Variants in TP63 observed in about 807,000 individuals in gnomAD.
The protein encoded by TP63 is tumor protein p63.
Under a neutral mutation model 82.8 loss-of-function variants are expected in TP63, and 17 were observed. The observed-to-expected ratio is 0.21, with a 90% CI of 0.14 to 0.31. The LOEUF is 0.31. TP63 is among the 10% of genes least tolerant of loss of function. TP63 has a pLI of 1.00. For missense variants in TP63, 648 were observed against 895.3 expected, an observed-to-expected ratio of 0.72 and a Z score of 3.52; for synonymous variants, 330 against 321.7, an observed-to-expected ratio of 1.03 and a Z score of -0.28.
At chr3:189,677,135 A>ACG (rs1178381613) in intron 1 of TP63, among the ~76,000 whole-genome samples, 1 of 151,602 alleles carries the variant, frequency 6.6e-6, no homozygotes, top group Non-Finnish European at 1.5e-5. Context: ...AGGTTCATCC[A>ACG]TGTTACTGGA....
rs1282548929 is a variant in TP63, at chr3:189,631,561, G to T, written c.46G>T (p.Asp16Tyr). The T allele has an allele frequency of 6.2e-7, 1 of 1,612,896 alleles. No individual in the cohort carries two copies. The highest frequency in any genetic ancestry group is 8.5e-7 in the Non-Finnish European group (1 of 1,179,150). ...GTGTGCCACCCTACAGTACTGCCCT[G>T]ACCCTTACATCCAGCGGTGAGTTTG... ...SRCATLQYCP[D>Y]PYIQRFVETP... Residue 16 changes from aspartate to tyrosine, a missense_variant, in exon 1 of 14, where the codon GAC (aspartate) becomes TAC (tyrosine). Transcript: ENST00000264731.
intron 10 of TP63, chr3:189,880,197 T>C: frequency 6.2e-7 from 1 of 1,609,816 alleles, no homozygotes; most frequent in Non-Finnish European, 8.5e-7. Context: ...CTCTATATTT[T>C]AAGTGTGTGT....
chr3:189,861,561 C>T (rs1316565160), intron 4 of TP63, among the ~76,000 whole-genome samples: 2 of 152,150 alleles, frequency 1.3e-5, no homozygotes, highest in Non-Finnish European at 1.5e-5. Flanking sequence ...CTGGTGTAAT[C>T]GTCCAGGCTG....
At chr3:189,720,756 A>C (rs1453336395) in intron 1 of TP63, among the ~76,000 whole-genome samples, 2 of 135,176 alleles carry the variant, frequency 1.5e-5, no homozygotes. Flanking sequence ...AAAAAAAAAA[A>C]AGAAGAAGAC....
At chr3:189,606,938 GACTATGACTTCTGTCATGCCAGT>G in the TP63 span, among the ~76,000 whole-genome samples, 2 of 152,172 alleles carry the variant, frequency 1.3e-5, no homozygotes, top group Non-Finnish European at 2.9e-5. Context: ...CCATGATTAT[GACTATGACTTCTGTCATGCCAGT>G]ACTTTCTCTT....
chr3:189,625,183 A>C, the TP63 span, among the ~76,000 whole-genome samples: 6 of 152,190 alleles, frequency 3.9e-5, no homozygotes, highest in Non-Finnish European at 8.8e-5. Context: ...CTTGGAAGGA[A>C]CTCTGCAAAT....
At chr3:189,820,850 A>G (rs1417911278) in intron 4 of TP63, among the ~76,000 whole-genome samples, 1 of 152,240 alleles carries the variant, frequency 6.6e-6, no homozygotes, top group Non-Finnish European at 1.5e-5. Flanking sequence ...GCTTCCAAAT[A>G]TAAGGACATA....
At chr3:189,657,266 T>C (rs1435124758) in intron 1 of TP63, among the ~76,000 whole-genome samples, 1 of 152,074 alleles carries the variant, frequency 6.6e-6, no homozygotes, top group African/African-American at 2.4e-5. Context: ...CAGTGATGCA[T>C]ACATGATATT....
chr3:189,709,545 T>C (rs1718441864), intron 1 of TP63, among the ~76,000 whole-genome samples: 2 of 152,198 alleles, frequency 1.3e-5, no homozygotes, highest in South Asian at 4.1e-4. Flanking sequence ...TTATTCTTAA[T>C]GGAAAATGCA....
rs143981666 is a variant in TP63, at chr3:189,828,851, A to G, written c.579+20325A>G. Among the ~76,000 whole-genome samples, 1,185 of 152,304 alleles carry G rather than the reference A, an allele frequency of 7.8e-3. 19 individuals are homozygous for G. Among genetic ancestry groups the G allele is most frequent in the African/African-American group, 0.027 (1,134 of 41,550 alleles). ...TTTCGTCCTTTTACTGAATGAAAAT[A>G]ATCTAATAGTAGCTTAAAGAAAACG... On this transcript the variant is annotated intron_variant, in intron 4 of 13. Coordinates refer to ENST00000264731, the MANE Select transcript of TP63 (RefSeq NM_003722.5).
intron 4 of TP63, among the ~76,000 whole-genome samples, chr3:189,842,888 G>A (rs965336823): frequency 2.6e-5 from 4 of 152,188 alleles, no homozygotes; most frequent in African/African-American, 9.7e-5. Flanking sequence ...GCTCTGTGAA[G>A]GTAACTGTGA....
intron 3 of TP63, among the ~76,000 whole-genome samples, chr3:189,786,483 G>T (rs908378279): frequency 7.5e-6 from 1 of 133,718 alleles, no homozygotes; most frequent in East Asian, 2.2e-4. Context: ...ACACACACAC[G>T]CATGCACAAA....
At chr3:189,703,844 A>C (rs1459227030) in intron 1 of TP63, among the ~76,000 whole-genome samples, 1 of 152,200 alleles carries the variant, frequency 6.6e-6, no homozygotes, top group Non-Finnish European at 1.5e-5. Flanking sequence ...AACAGAGGCC[A>C]AAACACAGTT....
chr3:189,726,159 T>G (rs1428289738), intron 1 of TP63, among the ~76,000 whole-genome samples: 4 of 152,166 alleles, frequency 2.6e-5, no homozygotes, highest in Non-Finnish European at 5.9e-5. Context: ...CATAAACACG[T>G]ATCTTGTTCC....
intron 1 of TP63, among the ~76,000 whole-genome samples, chr3:189,632,356 A>G (rs1242168501): frequency 2.0e-5 from 3 of 152,078 alleles, no homozygotes; most frequent in Non-Finnish European, 1.5e-5. Flanking sequence ...GAAAATGGTG[A>G]GGTTACAAAG....
intron 1 of TP63, among the ~76,000 whole-genome samples, chr3:189,667,558 G>A (rs774363847): frequency 6.6e-6 from 1 of 152,056 alleles, no homozygotes; most frequent in Non-Finnish European, 1.5e-5. Context: ...TTGTGTGGGA[G>A]CTCTTGTAGG....
chr3:189,623,995 G>A, the TP63 span, among the ~76,000 whole-genome samples: 97 of 152,202 alleles, frequency 6.4e-4, no homozygotes, highest in African/African-American at 2.2e-3. Flanking sequence ...AATTCATGGC[G>A]CTTTAGCACA....
chr3:189,673,978 C>T (rs1240471730), intron 1 of TP63, among the ~76,000 whole-genome samples: 1 of 151,922 alleles, frequency 6.6e-6, no homozygotes, highest in Admixed American at 6.6e-5. Flanking sequence ...ATTACTTTAG[C>T]AATAAAGAAA....
At chr3:189,860,201 AG>A (rs2108786117) in intron 4 of TP63, among the ~76,000 whole-genome samples, 1 of 152,278 alleles carries the variant, frequency 6.6e-6, no homozygotes, top group African/African-American at 2.4e-5. Context: ...AATGTTGAGG[AG>A]CAATTTAGAC....
Sources: allele counts gnomAD v4.1 joint callset (sites outside exome capture counted in the v4.1 genomes callset), GRCh38; gene constraint gnomAD v4.1.1; transcripts MANE v1.5; gene names NCBI Gene and HGNC (gene_info 2026-07-23, HGNC 2026-07-21).